CNRIP1: variants seen among roughly 807,000 people sequenced by gnomAD.
CNRIP1 encodes the protein cannabinoid receptor interacting protein 1.
CNRIP1 carries 10 observed loss-of-function variants against 15.2 expected under a neutral mutation model. That is an observed-to-expected ratio of 0.66 (90% CI 0.41 to 1.12). The LOEUF (loss-of-function observed/expected upper bound fraction) is 1.12. Among genes scored for constraint, CNRIP1 ranks in the 50% most tolerant of loss-of-function variants. CNRIP1 has a pLI of 0.00. For missense variants in CNRIP1, 211 were observed against 214.7 expected, an observed-to-expected ratio of 0.98 and a Z score of 0.11; for synonymous variants, 91 against 83.2, an observed-to-expected ratio of 1.09 and a Z score of -0.51.
At chr2:68,286,729 A>G (rs1671039884) in intron 2 of CNRIP1, among the ~76,000 whole-genome samples, 1 of 152,192 alleles carries the variant, frequency 6.6e-6, no homozygotes, top group African/African-American at 2.4e-5. Context: ...CTTGGCTGTC[A>G]GAGGCCAAGG....
At chr2:68,290,402 G>A (rs1671137923), downstream of CNRIP1, among the ~76,000 whole-genome samples, 1 of 151,964 alleles carries the variant, frequency 6.6e-6, no homozygotes, top group Non-Finnish European at 1.5e-5. Flanking sequence ...AATGAATCAG[G>A]AATATCATTA....
chr2:68,291,848 C>CAGT (rs1390277453), downstream of CNRIP1, among the ~76,000 whole-genome samples: 35 of 141,924 alleles, frequency 2.5e-4, no homozygotes, highest in African/African-American at 8.6e-4. Context: ...CACTGCACTC[C>CAGT]AGTCTGGGTG....
chr2:68,315,276 T>C (rs975054459), intron 2 of CNRIP1, among the ~76,000 whole-genome samples: 3 of 152,066 alleles, frequency 2.0e-5, no homozygotes, highest in Non-Finnish European at 4.4e-5. Context: ...TAAGTAAAAA[T>C]TGAAGTATTT....
chr2:68,319,564 C>G lies in CNRIP1; in HGVS notation c.-164G>C. 1 of 689,612 alleles carries G rather than the reference C, an allele frequency of 1.5e-6. No individual in the cohort carries two copies. Among genetic ancestry groups the G allele is most frequent in the South Asian group, 2.1e-5 (1 of 47,716 alleles). The allele number at this position is 689,612 out of a possible 1,614,324, so 42.7% of individuals were successfully genotyped here. A position where few individuals can be genotyped will look rare whatever the true frequency, so the allele number is the denominator to read the frequency against. ...ACCCGCGCCGTCGCCGCCGTCCGCC[C>G]GGGCTTTTGAGGAGCAGCTCCTTAG... On this transcript the variant is annotated 5_prime_UTR_variant, in exon 1 of 3. Coordinates refer to ENST00000263655, the MANE Select transcript of CNRIP1 (RefSeq NM_015463.3).
chr2:68,302,430 T>A (rs1671646191), intron 2 of CNRIP1, among the ~76,000 whole-genome samples: 1 of 152,180 alleles, frequency 6.6e-6, no homozygotes, highest in Non-Finnish European at 1.5e-5. Flanking sequence ...AGACAGACTC[T>A]CTATCTGGCC....
intron 2 of CNRIP1, among the ~76,000 whole-genome samples, chr2:68,284,762 G>A (rs1202771860): frequency 7.0e-6 from 1 of 143,422 alleles, no homozygotes; most frequent in African/African-American, 2.6e-5. Context: ...AGTGAGCTGA[G>A]ATTGTGCCAC....
At chr2:68,303,444 C>T (rs1198639907) in intron 2 of CNRIP1, among the ~76,000 whole-genome samples, 3 of 152,148 alleles carry the variant, frequency 2.0e-5, no homozygotes, top group Non-Finnish European at 2.9e-5. Context: ...CTGGAGCTGA[C>T]CTGGCTTGGG....
intron 2 of CNRIP1, among the ~76,000 whole-genome samples, chr2:68,314,550 C>T (rs1672203587): frequency 6.6e-6 from 1 of 151,778 alleles, no homozygotes; most frequent in Non-Finnish European, 1.5e-5. Context: ...AAAAAAAAGA[C>T]AGTTATATTC....
rs5831925 is a variant in CNRIP1 at position 68,284,374 on chromosome 2, GAA to G, written c.*52_*53del. On this transcript the variant is annotated 3_prime_UTR_variant, in exon 3 of 3. Transcript: ENST00000409559. ...CCTAGAATGCAAAGCAAATAATTTG[GAA>G]AAAAAAAAAAGAACATTTGTTCCTC... 8.1e-3 allele frequency: 7,795 copies of G among 958,566 alleles called. 2 individuals are homozygous for G. The highest frequency in any genetic ancestry group is 0.014 in the South Asian group (610 of 43,888). The allele number at this position is 958,566 out of a possible 1,614,324, so 59.4% of individuals were successfully genotyped here. A position where few individuals can be genotyped will look rare whatever the true frequency, so the allele number is the denominator to read the frequency against.
At chr2:68,313,174 T>C (rs545149331) in intron 2 of CNRIP1, among the ~76,000 whole-genome samples, 55 of 152,290 alleles carry the variant, frequency 3.6e-4, no homozygotes, top group African/African-American at 1.3e-3. Flanking sequence ...TCTATGTCTT[T>C]GGAATTTCCA....
chr2:68,309,328 G>A (rs1416445730), intron 2 of CNRIP1, among the ~76,000 whole-genome samples: 1 of 152,032 alleles, frequency 6.6e-6, no homozygotes, highest in Non-Finnish European at 1.5e-5. Flanking sequence ...CCCCCAAAAG[G>A]CAAAAGTCAT....
intron 2 of CNRIP1, among the ~76,000 whole-genome samples, chr2:68,303,033 G>A (rs1671674627): frequency 6.6e-6 from 1 of 151,800 alleles, no homozygotes; most frequent in Non-Finnish European, 1.5e-5. Flanking sequence ...ATTTTTAGTA[G>A]AGACGGGGTT....
At chr2:68,318,135 G>C (rs1219640974) in intron 1 of CNRIP1, among the ~76,000 whole-genome samples, 2 of 152,024 alleles carry the variant, frequency 1.3e-5, no homozygotes, top group Non-Finnish European at 2.9e-5. Context: ...TGAGAATAAA[G>C]GGTGCATGGA....
rs1558670491 is a variant in CNRIP1, at chr2:68,317,288, C to T, written c.199G>A (p.Val67Met). ...LQVENISIGG[V>M]LVPLELKSKE... Reference sequence around the variant, plus strand: ...GACTTCAGTTCCAGTGGGACAAGCACACCACCAATGGAAATATTCCTGCAA... The same window carrying T: ...GACTTCAGTTCCAGTGGGACAAGCATACCACCAATGGAAATATTCCTGCAA... The change falls in exon 2 of 3, where the codon GTG becomes ATG. Residue 67 changes from valine to methionine, a missense_variant. Val to Met is a conservative substitution (Grantham distance 21). Coordinates refer to ENST00000263655, the MANE Select transcript of CNRIP1 (RefSeq NM_015463.3). 1 of 1,614,080 alleles carries T rather than the reference C, an allele frequency of 6.2e-7. No individual in the cohort carries two copies. The highest frequency in any genetic ancestry group is 8.5e-7 in the Non-Finnish European group (1 of 1,180,034).
chr2:68,284,332 C>T, exon 3 of CNRIP1: 1 of 700,104 alleles, frequency 1.4e-6, no homozygotes, highest in Non-Finnish European at 2.2e-6. Context: ...ATTCTGATGG[C>T]CTGTGAGAAG....
At chr2:68,307,934 T>C (rs1434764155) in intron 2 of CNRIP1, among the ~76,000 whole-genome samples, 1 of 152,186 alleles carries the variant, frequency 6.6e-6, no homozygotes, top group African/African-American at 2.4e-5. Context: ...GGCTCACCCC[T>C]GTAATCCCAG....
intron 2 of CNRIP1, among the ~76,000 whole-genome samples, chr2:68,307,244 T>C (rs1671889066): frequency 1.3e-5 from 2 of 152,248 alleles, no homozygotes; most frequent in African/African-American, 2.4e-5. Flanking sequence ...ATTGTATGTA[T>C]TGTCTAACTA....
chr2:68,319,532 G>A lies in CNRIP1; in HGVS notation c.-132C>T, dbSNP rs990678411. On this transcript the variant is annotated 5_prime_UTR_variant, in exon 1 of 3. Coordinates refer to ENST00000263655, the MANE Select transcript of CNRIP1 (RefSeq NM_015463.3). Reference sequence around the variant, plus strand: ...GGGAGGTGGTGGAGCTGAGGCTGCCGCTAGGAACCCGCGCCGTCGCCGCCG... The same window carrying A: ...GGGAGGTGGTGGAGCTGAGGCTGCCACTAGGAACCCGCGCCGTCGCCGCCG... 13 of 978,146 alleles carry A rather than the reference G, an allele frequency of 1.3e-5. No individual in the cohort carries two copies. The highest frequency in any genetic ancestry group is 3.4e-5 in the Admixed American group (1 of 29,114). 60.6% of individuals were successfully genotyped at this position (978,146 alleles called of 1,614,324 possible).
intron 2 of CNRIP1, among the ~76,000 whole-genome samples, chr2:68,310,153 C>T (rs1254478224): frequency 6.6e-6 from 1 of 152,066 alleles, no homozygotes; most frequent in Non-Finnish European, 1.5e-5. Flanking sequence ...CATGGTGAAA[C>T]CCTGTCTCTA....
Sources: gnomAD v4.1 joint callset for allele counts (sites outside exome capture counted in the v4.1 genomes callset) on GRCh38, gnomAD v4.1.1 for gene constraint, MANE v1.5 for transcripts, NCBI Gene and HGNC (gene_info 2026-07-23, HGNC 2026-07-21) for gene names.